Variants in FILIP1 observed in about 807,000 individuals in gnomAD.
FILIP1 encodes filamin-A-interacting protein 1.
In FILIP1, 61 loss-of-function variants were observed where a neutral mutation model predicts 102.1. That is an observed-to-expected ratio of 0.60 (90% CI 0.49 to 0.74). The LOEUF (loss-of-function observed/expected upper bound fraction) is 0.74, where lower values mean the gene tolerates loss of function less well. FILIP1 is among the 30% of genes least tolerant of loss of function. The pLI is 0.00. For missense variants in FILIP1, 1,314 were observed against 1,441.2 expected, an observed-to-expected ratio of 0.91 and a Z score of 1.43; for synonymous variants, 491 against 526.9, an observed-to-expected ratio of 0.93 and a Z score of 0.93.
intron 2 of FILIP1, among the ~76,000 whole-genome samples, chr6:75,409,596 G>A (rs781428470): frequency 2.6e-5 from 4 of 152,000 alleles, no homozygotes; most frequent in African/African-American, 7.3e-5. Context: ...GAAAAACCAC[G>A]AAACTAGGAT....
chr6:75,392,554 A>C (rs1266231710), intron 2 of FILIP1, among the ~76,000 whole-genome samples: 1 of 152,100 alleles, frequency 6.6e-6, no homozygotes, highest in Non-Finnish European at 1.5e-5. Flanking sequence ...GGCTTAGCAA[A>C]TCTCTTTCTC....
At chr6:75,438,897 A>G (rs996572939) in intron 1 of FILIP1, among the ~76,000 whole-genome samples, 6 of 152,190 alleles carry the variant, frequency 3.9e-5, no homozygotes, top group Non-Finnish European at 7.3e-5. Flanking sequence ...CAGAAAAGCC[A>G]AACTGTGACT....
intron 1 of FILIP1, among the ~76,000 whole-genome samples, chr6:75,421,104 G>A (rs527641842): frequency 2.0e-5 from 3 of 152,212 alleles, no homozygotes; most frequent in Admixed American, 1.3e-4. Flanking sequence ...TGATAGTAAC[G>A]TGCACTTTGG....
At chr6:75,394,844 T>C (rs1207625543) in intron 2 of FILIP1, among the ~76,000 whole-genome samples, 1 of 152,198 alleles carries the variant, frequency 6.6e-6, no homozygotes, top group African/African-American at 2.4e-5. Context: ...AGGGCAACTT[T>C]GCAAAATCTA....
chr6:75,385,206 T>C (rs1293549013), intron 2 of FILIP1, among the ~76,000 whole-genome samples: 2 of 152,202 alleles, frequency 1.3e-5, no homozygotes, highest in Non-Finnish European at 2.9e-5. Context: ...CCCAGTCTCC[T>C]GATTCTCAGA....
At position 75,428,597 on chromosome 6, in the gene FILIP1, T is replaced by C. The variant is rs1336314444; in HGVS notation, c.-6-13619A>G. The C allele has an allele frequency of 1.5e-4, 23 of 154,208 alleles. No homozygotes were observed. In the Admixed American group the frequency reaches 1.5e-3, roughly 10 times the overall value. The allele number at this position is 154,208 out of a possible 1,614,324, so 9.6% of individuals were successfully genotyped here. A position where few individuals can be genotyped will look rare whatever the true frequency, so the allele number is the denominator to read the frequency against. Reference sequence around the variant, plus strand: ...TTGCAAAGAAGCCCCAGCCCCAGTATATCTACCTATTTCAACCAGCAACTC... The same window carrying C: ...TTGCAAAGAAGCCCCAGCCCCAGTACATCTACCTATTTCAACCAGCAACTC... On this transcript the variant is annotated intron_variant, in intron 1 of 5. Coordinates refer to ENST00000237172, the MANE Select transcript of FILIP1 (RefSeq NM_015687.5).
At chr6:75,304,482 C>CT (rs1398247934), downstream of FILIP1, among the ~76,000 whole-genome samples, 3 of 152,172 alleles carry the variant, frequency 2.0e-5, no homozygotes, top group Non-Finnish European at 2.9e-5. Context: ...TCCCAGAGTG[C>CT]TGGGATTATA....
Position 75,308,283 on chromosome 6 carries a change from G to A in FILIP1, c.*408C>T. 4.0e-6 allele frequency: 4 copies of A among 992,990 alleles called. No individual in the cohort carries two copies. Among genetic ancestry groups the A allele is most frequent in the Non-Finnish European group, 4.8e-6 (4 of 833,362 alleles). The allele number at this position is 992,990 out of a possible 1,614,324, so 61.5% of individuals were successfully genotyped here. A position where few individuals can be genotyped will look rare whatever the true frequency, so the allele number is the denominator to read the frequency against. On this transcript the variant is annotated 3_prime_UTR_variant, in exon 6 of 6. Transcript: ENST00000237172. The stretch of plus-strand genomic sequence containing the variant: ...TTAAAGTATGTCTTATTTTGTAATA[G>A]GATTTTTTTAATAAAAAATTATTGT...
chr6:75,487,421 C>T lies in FILIP1; in HGVS notation c.-7+5993G>A, dbSNP rs565203538. Among the ~76,000 whole-genome samples the T allele has an allele frequency of 2.0e-5, 3 of 152,264 alleles. No individual in the cohort carries two copies. In the South Asian group the frequency reaches 6.2e-4, roughly 32 times the overall value. On this transcript the variant is annotated intron_variant, in intron 1 of 5. Coordinates refer to ENST00000237172, the MANE Select transcript of FILIP1 (RefSeq NM_015687.5). ...CATTATTAACTCAGCAATGCCTCTT[C>T]CTTTCCTGTTGTGCTTGGTACCATG...
At chr6:75,468,141 C>A (rs1158637397) in intron 1 of FILIP1, among the ~76,000 whole-genome samples, 1 of 152,160 alleles carries the variant, frequency 6.6e-6, no homozygotes, top group Admixed American at 6.5e-5. Context: ...CCCTCCCATA[C>A]ACTCTTGAAA....
intron 2 of FILIP1, among the ~76,000 whole-genome samples, chr6:75,397,214 T>C (rs957494182): frequency 1.3e-5 from 2 of 151,820 alleles, no homozygotes; most frequent in African/African-American, 2.4e-5. Context: ...AAAGACTTAT[T>C]CAGTACCCAA....
chr6:75,455,376 TGA>T (rs931705216), intron 1 of FILIP1: 6 of 151,624 alleles, frequency 4.0e-5, no homozygotes, highest in African/African-American at 1.5e-4. Context: ...AATAAAATTG[TGA>T]GAGTTTTTTT....
intron 1 of FILIP1, among the ~76,000 whole-genome samples, chr6:75,466,616 TA>T (rs1372107710): frequency 3.3e-5 from 5 of 152,192 alleles, no homozygotes; most frequent in Non-Finnish European, 7.3e-5. Context: ...AATCTGGGAT[TA>T]CATTTAATGT....
intron 2 of FILIP1, among the ~76,000 whole-genome samples, chr6:75,369,691 G>A (rs561086239): frequency 6.6e-6 from 1 of 152,302 alleles, no homozygotes; most frequent in Admixed American, 6.5e-5. Flanking sequence ...GAGCCTTGGA[G>A]CTTGGAGATA....
intron 1 of FILIP1, among the ~76,000 whole-genome samples, chr6:75,436,157 G>C (rs1055181820): frequency 1.3e-5 from 2 of 152,060 alleles, no homozygotes; most frequent in East Asian, 3.9e-4. Flanking sequence ...CAGATCACTT[G>C]AACTCAGGAG....
intron 4 of FILIP1, among the ~76,000 whole-genome samples, chr6:75,316,575 A>G (rs559923670): frequency 7.2e-5 from 11 of 152,294 alleles, no homozygotes; most frequent in Non-Finnish European, 1.5e-4. Flanking sequence ...AATAGAAGCT[A>G]TTAATAATTA....
chr6:75,441,906 C>G (rs1382506147), intron 1 of FILIP1, among the ~76,000 whole-genome samples: 2 of 149,982 alleles, frequency 1.3e-5, no homozygotes, highest in Non-Finnish European at 3.0e-5. Context: ...ACCTCCCTCC[C>G]GGACGGGGCG....
chr6:75,294,312 T>G (rs1772612890), exon 7 of FILIP1: 1 of 152,176 alleles, frequency 6.6e-6, no homozygotes, highest in Non-Finnish European at 1.5e-5. Context: ...AGAAGCATTC[T>G]CTCTTTAATT....
intron 1 of FILIP1, chr6:75,428,559 T>C (rs570730487): frequency 6.5e-6 from 1 of 154,314 alleles, no homozygotes; most frequent in African/African-American, 2.4e-5. Context: ...AAAGTAGGAC[T>C]AAGTCCAGAA....
Sources: gnomAD v4.1 joint callset for allele counts (sites outside exome capture counted in the v4.1 genomes callset) on GRCh38, gnomAD v4.1.1 for gene constraint, MANE v1.5 for transcripts, NCBI Gene and HGNC (gene_info 2026-07-23, HGNC 2026-07-21) for gene names.